PHF24: variants seen among roughly 807,000 people sequenced by gnomAD.
PHF24 encodes the protein PHD finger protein 24, also known as Galpha inhibitory interacting protein.
A neutral mutation model predicts 42.6 loss-of-function variants in PHF24; 25 were observed. The observed-to-expected ratio is 0.59, with a 90% CI of 0.43 to 0.82. The LOEUF (loss-of-function observed/expected upper bound fraction) is 0.82. Among genes scored for constraint, PHF24 ranks in the 40% least tolerant of loss-of-function variants. The pLI is 0.00. For synonymous variants in PHF24, 185 were observed against 204.8 expected (o/e 0.90, Z 0.83); for missense variants, 470 against 538.1 (o/e 0.87, Z 1.25).
the PHF24 span, chr9:34,725,097 A>G: frequency 1.3e-6 from 2 of 1,551,492 alleles, no homozygotes; most frequent in South Asian, 2.4e-5. Flanking sequence ...TCTGGAATGC[A>G]GGGAAAAGGA....
At chr9:34,972,312 C>T in intron 2 of PHF24, 34 bp from the exon 3 acceptor site, 1 of 1,563,902 alleles carries the variant, frequency 6.4e-7, no homozygotes. Flanking sequence ...CCTACATTTA[C>T]ACATCCCTGT....
the PHF24 span, among the ~76,000 whole-genome samples, chr9:34,696,943 A>G: frequency 6.6e-6 from 1 of 152,224 alleles, no homozygotes; most frequent in Non-Finnish European, 1.5e-5. Flanking sequence ...ACAGGAAAGT[A>G]CAGGATATGC....
the PHF24 span, among the ~76,000 whole-genome samples, chr9:34,816,705 G>C: frequency 6.6e-6 from 1 of 152,154 alleles, no homozygotes; most frequent in African/African-American, 2.4e-5. Context: ...CATCACATTG[G>C]TTATAAAGTT....
At chr9:34,708,535 A>G in the PHF24 span, among the ~76,000 whole-genome samples, 1 of 152,192 alleles carries the variant, frequency 6.6e-6, no homozygotes, top group East Asian at 1.9e-4. Flanking sequence ...GCAGGTTTCA[A>G]TATAACTTGT....
rs573486042 is a variant in PHF24 at position 34,961,140 on chromosome 9, T to C, written c.-5+2739T>C. Reference sequence around the variant, plus strand: ...TCCACTACACCTGTTCCTAAGTGAATCACATTCATGCAAATAGTTTCCCTT... The same window carrying C: ...TCCACTACACCTGTTCCTAAGTGAACCACATTCATGCAAATAGTTTCCCTT... On this transcript the variant is annotated intron_variant, in intron 1 of 7. Coordinates refer to ENST00000242315, the Ensembl canonical transcript of PHF24. 3.0e-3 allele frequency among the ~76,000 whole-genome samples: 461 copies of C among 152,348 alleles called. 1 individual carries two copies. The highest frequency in any genetic ancestry group is 0.011 in the African/African-American group (440 of 41,568).
chr9:34,761,034 G>A, the PHF24 span, among the ~76,000 whole-genome samples: 1 of 151,644 alleles, frequency 6.6e-6, no homozygotes, highest in Admixed American at 6.6e-5. Flanking sequence ...TCTCAATCCT[G>A]CCCTTACATC....
chr9:34,751,886 A>G, the PHF24 span, among the ~76,000 whole-genome samples: 1 of 152,194 alleles, frequency 6.6e-6, no homozygotes, highest in Non-Finnish European at 1.5e-5. Context: ...CTAGAACTCA[A>G]TAACAAGAGA....
At chr9:34,772,160 A>C in the PHF24 span, among the ~76,000 whole-genome samples, 7 of 152,228 alleles carry the variant, frequency 4.6e-5, no homozygotes, top group East Asian at 1.2e-3. Flanking sequence ...GAATTAAATT[A>C]AACTCCCCAA....
the PHF24 span, among the ~76,000 whole-genome samples, chr9:34,788,873 C>T: frequency 3.3e-5 from 5 of 152,186 alleles, no homozygotes; most frequent in Non-Finnish European, 5.9e-5. Flanking sequence ...AGTAATCGCT[C>T]ACTCTGCAGT....
the PHF24 span, among the ~76,000 whole-genome samples, chr9:34,882,977 C>G: frequency 2.6e-5 from 4 of 152,238 alleles, no homozygotes; most frequent in South Asian, 4.2e-4. Context: ...TACAAGGCTA[C>G]AGTAACCAAA....
chr9:34,807,461 T>C, the PHF24 span, among the ~76,000 whole-genome samples: 1 of 152,092 alleles, frequency 6.6e-6, no homozygotes, highest in East Asian at 1.9e-4. Flanking sequence ...AGAAAAGCCG[T>C]GGTTGGAAGG....
the PHF24 span, among the ~76,000 whole-genome samples, chr9:34,821,762 G>T: frequency 6.6e-6 from 1 of 152,072 alleles, no homozygotes; most frequent in Non-Finnish European, 1.5e-5. Flanking sequence ...TGCTTGCTTG[G>T]TCCTTCCTAG....
At chr9:34,816,990 T>G in the PHF24 span, among the ~76,000 whole-genome samples, 1 of 152,212 alleles carries the variant, frequency 6.6e-6, no homozygotes, top group South Asian at 2.1e-4. Flanking sequence ...AATTAAAACT[T>G]TAAAATGATC....
At chr9:34,716,720 G>T in the PHF24 span, among the ~76,000 whole-genome samples, 1 of 152,104 alleles carries the variant, frequency 6.6e-6, no homozygotes, top group Non-Finnish European at 1.5e-5. Context: ...CTCCTGAGTA[G>T]CTGGGACTAC....
the PHF24 span, among the ~76,000 whole-genome samples, chr9:34,684,213 A>G: frequency 2.0e-5 from 3 of 152,170 alleles, no homozygotes; most frequent in Non-Finnish European, 4.4e-5. Flanking sequence ...CTTGTTCACT[A>G]TCGTATCACC....
the PHF24 span, among the ~76,000 whole-genome samples, chr9:34,810,126 G>A: frequency 6.6e-6 from 1 of 152,146 alleles, no homozygotes; most frequent in East Asian, 1.9e-4. Flanking sequence ...CGCAGGGCCG[G>A]CAGTATAGAG....
intron 1 of PHF24, among the ~76,000 whole-genome samples, chr9:34,970,144 T>G (rs550241653): frequency 6.6e-6 from 1 of 152,182 alleles, no homozygotes; most frequent in Non-Finnish European, 1.5e-5. Flanking sequence ...TGCTCCACTT[T>G]ACTTAGAAAA....
chr9:34,692,925 T>C, the PHF24 span, among the ~76,000 whole-genome samples: 2 of 151,992 alleles, frequency 1.3e-5, no homozygotes, highest in Non-Finnish European at 2.9e-5. Context: ...TAGCTGGGAT[T>C]ACAGGCACCC....
the PHF24 span, among the ~76,000 whole-genome samples, chr9:34,785,638 G>A: frequency 1.3e-5 from 2 of 152,130 alleles, no homozygotes; most frequent in Non-Finnish European, 2.9e-5. Context: ...ACACACCCCC[G>A]TATCAAGTAT....
Sources: allele counts gnomAD v4.1 joint callset (sites outside exome capture counted in the v4.1 genomes callset), GRCh38; gene constraint gnomAD v4.1.1; transcripts MANE v1.5; gene names NCBI Gene and HGNC (gene_info 2026-07-23, HGNC 2026-07-21).